Variants in SOX6 observed in about 807,000 individuals in gnomAD.
SOX6 encodes the protein transcription factor SOX-6.
SOX6 carries 11 observed loss-of-function variants against 97.8 expected under a neutral mutation model. The ratio of observed to expected loss-of-function variants is 0.11; its 90% CI spans 0.07 to 0.19. SOX6 has a LOEUF of 0.19. SOX6 is among the 10% of genes least tolerant of loss of function. The probability of loss-of-function intolerance (pLI) is 1.00; values close to 1 mark genes in which losing one functional copy is unlikely to be tolerated. For missense variants in SOX6, 810 were observed against 1,039.5 expected, an observed-to-expected ratio of 0.78 and a Z score of 3.04; for synonymous variants, 360 against 371.4, an observed-to-expected ratio of 0.97 and a Z score of 0.35.
At chr11:15,996,838 TA>T (rs1456376593) in intron 13 of SOX6, among the ~76,000 whole-genome samples, 4 of 152,016 alleles carry the variant, frequency 2.6e-5, no homozygotes, top group Non-Finnish European at 5.9e-5. Flanking sequence ...TAAACAGAAA[TA>T]AATCAAATTA....
chr11:16,529,262 C>T (rs2133168118), intron 4 of SOX6, among the ~76,000 whole-genome samples: 1 of 152,110 alleles, frequency 6.6e-6, no homozygotes, highest in South Asian at 2.1e-4. Flanking sequence ...ATAGAAGCAC[C>T]ATAGGATATT....
chr11:16,451,874 A>T (rs1395003877), intron 1 of SOX6, among the ~76,000 whole-genome samples: 2 of 151,922 alleles, frequency 1.3e-5, no homozygotes, highest in Non-Finnish European at 2.9e-5. Flanking sequence ...CTCAAAAAAA[A>T]ATTTTTTTAA....
chr11:16,546,129 GAATA>G (rs1053859066), intron 4 of SOX6, among the ~76,000 whole-genome samples: 2 of 151,696 alleles, frequency 1.3e-5, no homozygotes, highest in African/African-American at 2.4e-5. Flanking sequence ...AATACCTAGG[GAATA>G]AATAACCAAG....
At chr11:16,558,896 C>T (rs1767256285) in intron 4 of SOX6, among the ~76,000 whole-genome samples, 1 of 152,054 alleles carries the variant, frequency 6.6e-6, no homozygotes, top group Non-Finnish European at 1.5e-5. Flanking sequence ...ATTTGCAATA[C>T]ATCTGTAAAA....
intron 6 of SOX6, among the ~76,000 whole-genome samples, chr11:16,183,607 T>A (rs1851397614): frequency 6.6e-6 from 1 of 152,014 alleles, no homozygotes. Flanking sequence ...GTATGCTACC[T>A]GGGAGACCAT....
chr11:16,680,446 C>T (rs984096059), intron 3 of SOX6, among the ~76,000 whole-genome samples: 3 of 152,162 alleles, frequency 2.0e-5, no homozygotes, highest in Non-Finnish European at 4.4e-5. Context: ...CTTACAAGAG[C>T]TCCTGAAGGA....
intron 4 of SOX6, among the ~76,000 whole-genome samples, chr11:16,553,084 A>G (rs1847708100): frequency 6.6e-6 from 1 of 152,208 alleles, no homozygotes; most frequent in South Asian, 2.1e-4. Flanking sequence ...CTTTAAACCC[A>G]AGAATTTATC....
intron 1 of SOX6, among the ~76,000 whole-genome samples, chr11:16,419,973 G>T (rs1167325979): frequency 1.3e-5 from 2 of 152,098 alleles, no homozygotes; most frequent in Middle Eastern, 3.2e-3. Context: ...TTTTTTCTTA[G>T]ATTTCTCAAA....
chr11:16,503,635 G>C (rs1209268219), intron 4 of SOX6, among the ~76,000 whole-genome samples: 1 of 152,164 alleles, frequency 6.6e-6, no homozygotes, highest in Non-Finnish European at 1.5e-5. Flanking sequence ...GTCAGCAGGA[G>C]TAGCTATACT....
intron 6 of SOX6, among the ~76,000 whole-genome samples, chr11:16,137,341 G>A (rs1268350012): frequency 2.0e-5 from 3 of 152,212 alleles, no homozygotes; most frequent in Admixed American, 6.5e-5. Context: ...CACAAGAATC[G>A]CTTGAGCCCA....
intron 12 of SOX6, among the ~76,000 whole-genome samples, chr11:16,023,475 T>G (rs1313307215): frequency 6.6e-6 from 1 of 152,154 alleles, no homozygotes; most frequent in East Asian, 1.9e-4. Flanking sequence ...AGCAGTGAAA[T>G]ATAAATAATT....
chr11:16,132,432 AGAAAGAAAGAAAAAAGAAAGAAAG>A (rs1849821519), intron 6 of SOX6, among the ~76,000 whole-genome samples: 4 of 99,530 alleles, frequency 4.0e-5, no homozygotes, highest in South Asian at 3.3e-4. Flanking sequence ...AAAGAAAGAA[AGAAAGAAAGAAAAAAGAAAGAAAG>A]AAAGAAAGAA....
intron 3 of SOX6, among the ~76,000 whole-genome samples, chr11:16,284,935 T>G (rs1854688277): frequency 6.6e-6 from 1 of 152,160 alleles, no homozygotes; most frequent in African/African-American, 2.4e-5. Flanking sequence ...TTCTTATCTC[T>G]TCTTATTTAT....
intron 3 of SOX6, among the ~76,000 whole-genome samples, chr11:16,643,666 C>A (rs1394966047): frequency 6.6e-6 from 1 of 152,204 alleles, no homozygotes; most frequent in African/African-American, 2.4e-5. Context: ...TCTCAGACTG[C>A]TGTGCTAGCA....
At chr11:16,324,652 G>A (rs1384917991) in intron 2 of SOX6, among the ~76,000 whole-genome samples, 3 of 152,110 alleles carry the variant, frequency 2.0e-5, no homozygotes, top group African/African-American at 7.2e-5. Flanking sequence ...CATATAATGT[G>A]TAATGATCAA....
At chr11:16,080,782 C>T (rs1202832016) in intron 9 of SOX6, among the ~76,000 whole-genome samples, 1 of 152,038 alleles carries the variant, frequency 6.6e-6, no homozygotes, top group Non-Finnish European at 1.5e-5. Context: ...TACTGAAACA[C>T]CATCACTGGG....
At chr11:15,976,936 A>C (rs1317392663) in intron 15 of SOX6, among the ~76,000 whole-genome samples, 1 of 152,018 alleles carries the variant, frequency 6.6e-6, no homozygotes, top group African/African-American at 2.4e-5. Context: ...CCCTCGGAAG[A>C]GTTGGTTATT....
At chr11:16,301,635 C>A (rs1376104423) in intron 3 of SOX6, among the ~76,000 whole-genome samples, 1 of 152,060 alleles carries the variant, frequency 6.6e-6, no homozygotes, top group African/African-American at 2.4e-5. Context: ...CTACACATGA[C>A]TCATGTTGGG....
intron 12 of SOX6, among the ~76,000 whole-genome samples, chr11:16,043,565 A>G (rs1444100593): frequency 2.6e-5 from 4 of 152,228 alleles, no homozygotes; most frequent in Non-Finnish European, 5.9e-5. Flanking sequence ...TAAACGTGTA[A>G]TCATATGGAC....
Sources: allele counts gnomAD v4.1 joint callset (sites outside exome capture counted in the v4.1 genomes callset), GRCh38; gene constraint gnomAD v4.1.1; transcripts MANE v1.5; gene names NCBI Gene and HGNC (gene_info 2026-07-23, HGNC 2026-07-21).